The following PLEKHA5 variants were observed in gnomAD, a reference collection of about 807,000 sequenced individuals.
PLEKHA5 encodes pleckstrin homology domain containing A5.
PLEKHA5 carries 55 observed loss-of-function variants against 181.9 expected under a neutral mutation model. That is an observed-to-expected ratio of 0.30 (90% CI 0.24 to 0.38). The LOEUF (loss-of-function observed/expected upper bound fraction) is 0.38, where lower values mean the gene tolerates loss of function less well. Among genes scored for constraint, PLEKHA5 ranks in the 10% least tolerant of loss-of-function variants. The pLI is 1.00. For synonymous variants in PLEKHA5, 535 were observed against 529.4 expected, an observed-to-expected ratio of 1.01 and a Z score of -0.15; for missense variants, 1,432 against 1,549.5, an observed-to-expected ratio of 0.92 and a Z score of 1.27.
intron 20 of PLEKHA5, among the ~76,000 whole-genome samples, chr12:19,328,512 C>T (rs2092486401): frequency 6.6e-6 from 1 of 151,330 alleles, no homozygotes. Context: ...TTTTGTAGTT[C>T]TTCCTATAGA....
chr12:19,278,720 A>G (rs2075280978), intron 11 of PLEKHA5, among the ~76,000 whole-genome samples: 1 of 152,090 alleles, frequency 6.6e-6, no homozygotes, highest in South Asian at 2.1e-4. Context: ...AGCAGAAACA[A>G]AATAGGAAAT....
chr12:19,197,055 C>G (rs75387956), intron 3 of PLEKHA5, among the ~76,000 whole-genome samples: 1 of 152,106 alleles, frequency 6.6e-6, no homozygotes, highest in African/African-American at 2.4e-5. Flanking sequence ...CCCTGCCCTT[C>G]TGTAGAGGTA....
chr12:19,353,944 C>T lies in PLEKHA5; in HGVS notation c.3080C>T (p.Ser1027Leu), dbSNP rs375716235. 1.4e-5 allele frequency: 23 copies of T among 1,610,874 alleles called. No homozygotes were observed. Among genetic ancestry groups the T allele is most frequent in the African/African-American group, 6.7e-5 (5 of 74,818 alleles). Residue 1027 changes from serine to leucine, a missense_variant, in exon 26 of 32, where the codon TCG becomes TTG. Physicochemically the swap from Ser to Leu is moderately radical, Grantham distance 145 (BLOSUM62 -2). Around this residue, in one of 2 missense-constraint regions of PLEKHA5, gnomAD observed 1,143 missense variants for 1,168.4 expected, o/e 0.98. Coordinates refer to ENST00000429027, the MANE Select transcript of PLEKHA5 (RefSeq NM_001256470.2). The stretch of plus-strand genomic sequence containing the variant: ...GCAAAATCACCAACACCCGAATCTT[C>T]GACAATAGCTTCCTATGTAACCTTG... ...PRAKSPTPES[S>L]TIASYVTLRK...
intron 3 of PLEKHA5, among the ~76,000 whole-genome samples, chr12:19,243,673 A>G (rs1413621740): frequency 6.6e-6 from 1 of 152,202 alleles, no homozygotes; most frequent in African/African-American, 2.4e-5. Flanking sequence ...TTGAGGTTTG[A>G]GCAGGATGTC....
At chr12:19,179,796 GC>G (rs2048139481) in intron 3 of PLEKHA5, among the ~76,000 whole-genome samples, 1 of 152,178 alleles carries the variant, frequency 6.6e-6, no homozygotes, top group African/African-American at 2.4e-5. Flanking sequence ...CTGAAAGTTA[GC>G]CTCTCATTTG....
intron 3 of PLEKHA5, among the ~76,000 whole-genome samples, chr12:19,203,971 TACTTAGAG>T (rs1478495069): frequency 1.3e-5 from 2 of 152,062 alleles, no homozygotes; most frequent in African/African-American, 4.8e-5. Context: ...ATACATACAG[TACTTAGAG>T]ACACAAAACA....
At chr12:19,281,091 C>A (rs2076020953) in intron 11 of PLEKHA5, among the ~76,000 whole-genome samples, 1 of 152,036 alleles carries the variant, frequency 6.6e-6, no homozygotes, top group Non-Finnish European at 1.5e-5. Context: ...AAAAAATTAG[C>A]CACACATGGT....
chr12:19,375,900 A>G lies in PLEKHA5; in HGVS notation c.*381A>G, dbSNP rs1037129346. On this transcript the variant is annotated 3_prime_UTR_variant, in exon 32 of 32. Transcript: ENST00000429027. ...TATATTTTTTTGCTTTTCATTTTCTAAAGTTAGTTATTATTTCCATTGAAG... is the reference window on the plus strand; with the variant it reads ...TATATTTTTTTGCTTTTCATTTTCTGAAGTTAGTTATTATTTCCATTGAAG... 4 of 150,750 alleles carry G rather than the reference A, an allele frequency of 2.7e-5. No individual in the cohort carries two copies. The highest frequency in any genetic ancestry group is 9.7e-5 in the African/African-American group (4 of 41,312). The allele number at this position is 150,750 out of a possible 1,614,324, so 9.3% of individuals were successfully genotyped here. A position where few individuals can be genotyped will look rare whatever the true frequency, so the allele number is the denominator to read the frequency against.
At chr12:19,200,363 G>A (rs2053928493) in intron 3 of PLEKHA5, 1 of 1,528,204 alleles carries the variant, frequency 6.5e-7, no homozygotes, top group African/African-American at 1.4e-5. Context: ...GGGAATAGAA[G>A]ATGTAATGGA....
Position 19,347,003 on chromosome 12 carries a change from G to T in PLEKHA5, c.2719G>T (p.Val907Leu). ...TVKYKNEEEE[V>L]VPPRPPLPRS... ...GTTCTACAATCTTTAGGAAGAGGAA[G>T]TAGTCCCACCTCGTCCTCCACTTCC... Residue 907 changes from valine to leucine, a missense_variant, in exon 24 of 32, where the codon GTA (valine) becomes TTA (leucine). This residue lies in a region of PLEKHA5 where 1,143 missense variants were observed against 1,168.4 expected (regional missense o/e 0.98). Coordinates refer to ENST00000429027, the MANE Select transcript of PLEKHA5 (RefSeq NM_001256470.2). The T allele has an allele frequency of 6.5e-7, 1 of 1,546,362 alleles. No homozygotes were observed. Among genetic ancestry groups the T allele is most frequent in the Non-Finnish European group, 8.7e-7 (1 of 1,143,802 alleles).
chr12:19,147,656 A>C (rs1424061952), intron 3 of PLEKHA5, among the ~76,000 whole-genome samples: 2 of 151,606 alleles, frequency 1.3e-5, no homozygotes, highest in Non-Finnish European at 2.9e-5. Context: ...TTACCAGTAA[A>C]GGGGGATGGT....
chr12:19,258,041 A>T (rs1473150543), intron 6 of PLEKHA5, among the ~76,000 whole-genome samples: 3 of 150,630 alleles, frequency 2.0e-5, no homozygotes, highest in African/African-American at 7.3e-5. Flanking sequence ...TCTTCCTCTT[A>T]TTTTTTTTGG....
intron 3 of PLEKHA5, among the ~76,000 whole-genome samples, chr12:19,252,922 T>C (rs1050079749): frequency 1.3e-5 from 2 of 152,020 alleles, no homozygotes; most frequent in Non-Finnish European, 2.9e-5. Flanking sequence ...TACTCTGTAA[T>C]GCACCCATGT....
intron 15 of PLEKHA5, among the ~76,000 whole-genome samples, chr12:19,300,586 A>G (rs2081199287): frequency 6.6e-6 from 1 of 152,192 alleles, no homozygotes; most frequent in South Asian, 2.1e-4. Context: ...TCAGGATGCA[A>G]AGATAAGCCA....
rs2095108259 is a variant in PLEKHA5, at chr12:19,359,319, C to T, written c.3349-93C>T. ...AACTTCTTCATGAGTGGAGATCCAG[C>T]TTTGTTCTATTTTGAGAATTAACAG... On this transcript the variant is annotated intron_variant, in intron 27 of 31. Coordinates refer to ENST00000429027, the MANE Select transcript of PLEKHA5 (RefSeq NM_001256470.2). 2.1e-5 allele frequency: 23 copies of T among 1,117,410 alleles called. 1 individual carries two copies. In the South Asian group the frequency reaches 4.2e-4, roughly 21 times the overall value. The allele number at this position is 1,117,410 out of a possible 1,614,324, so 69.2% of individuals were successfully genotyped here.
At chr12:19,336,168 A>C (rs1028635454) in intron 20 of PLEKHA5, among the ~76,000 whole-genome samples, 1 of 152,232 alleles carries the variant, frequency 6.6e-6, no homozygotes, top group East Asian at 1.9e-4. Flanking sequence ...CTATAAGCTT[A>C]TTGTAAGTAA....
chr12:19,145,939 A>T (rs1055473427), intron 3 of PLEKHA5, among the ~76,000 whole-genome samples: 4 of 152,218 alleles, frequency 2.6e-5, no homozygotes, highest in African/African-American at 9.6e-5. Context: ...CTTTTTAATA[A>T]GTCTGTGGAG....
intron 3 of PLEKHA5, among the ~76,000 whole-genome samples, chr12:19,174,817 C>T (rs963762264): frequency 8.5e-5 from 13 of 152,134 alleles, no homozygotes; most frequent in Admixed American, 2.0e-4. Context: ...TGTATGTAAA[C>T]ATAAATCTCC....
chr12:19,275,383 G>C (rs1244469885), intron 11 of PLEKHA5, among the ~76,000 whole-genome samples: 1 of 152,116 alleles, frequency 6.6e-6, no homozygotes, highest in Non-Finnish European at 1.5e-5. Context: ...GATCTCCTGA[G>C]ACAAGTAATA....
Sources: allele counts gnomAD v4.1 joint callset (sites outside exome capture counted in the v4.1 genomes callset), GRCh38; gene constraint gnomAD v4.1.1; regional missense constraint gnomAD v4.1.1; transcripts MANE v1.5; gene names NCBI Gene and HGNC (gene_info 2026-07-23, HGNC 2026-07-21).